Variants in INPP5A observed in about 807,000 individuals in gnomAD.
The protein encoded by INPP5A is inositol polyphosphate-5-phosphatase A.
In INPP5A, 14 loss-of-function variants were observed where a neutral mutation model predicts 65.2. That is an observed-to-expected ratio of 0.21 (90% CI 0.14 to 0.34). The LOEUF (loss-of-function observed/expected upper bound fraction) is 0.34, where lower values mean the gene tolerates loss of function less well. Ranked by LOEUF, INPP5A falls within the 10% of genes least tolerant of loss-of-function variation. The probability of loss-of-function intolerance (pLI) is 1.00; values close to 1 mark genes in which losing one functional copy is unlikely to be tolerated. For synonymous variants in INPP5A, 207 were observed against 208.3 expected (o/e 0.99, Z 0.05); for missense variants, 431 against 545.6 (o/e 0.79, Z 2.09).
chr10:132,737,665 TGAGGGCCTGCA>T (rs559087719), intron 9 of INPP5A, among the ~76,000 whole-genome samples: 5 of 152,110 alleles, frequency 3.3e-5, no homozygotes, highest in Non-Finnish European at 7.4e-5. Context: ...GTCAGGGCGG[TGAGGGCCTGCA>T]GAGGGCACGT....
chr10:132,606,329 G>A (rs964479885), intron 1 of INPP5A, among the ~76,000 whole-genome samples: 2 of 152,102 alleles, frequency 1.3e-5, no homozygotes, highest in African/African-American at 2.4e-5. Context: ...CCCTCCTGCC[G>A]GGTCCTCAGT....
chr10:132,755,307 A>T (rs1846577494), intron 11 of INPP5A, among the ~76,000 whole-genome samples: 1 of 146,324 alleles, frequency 6.8e-6, no homozygotes, highest in South Asian at 2.2e-4. Context: ...GTGTATGCAT[A>T]TGCATTTGAG....
Position 132,674,743 on chromosome 10 carries a change from C to G in INPP5A, c.307-15649C>G, listed in dbSNP as rs2072941033. On this transcript the variant is annotated intron_variant, in intron 4 of 15. Transcript: ENST00000368594. The surrounding 1 kb of genome is among the most constrained non-coding windows in gnomAD (Gnocchi z 4.4). ...CAGAAAGCACCCAGTTCATGACATG[C>G]AGTTCAGGTCACACGGTGACTTGAT... Among the ~76,000 whole-genome samples the G allele has an allele frequency of 6.6e-6, 1 of 152,174 alleles. No homozygotes were observed. The highest frequency in any genetic ancestry group is 1.5e-5 in the Non-Finnish European group (1 of 68,038).
chr10:132,641,174 T>A (rs1195919165), intron 2 of INPP5A, among the ~76,000 whole-genome samples: 2 of 152,266 alleles, frequency 1.3e-5, no homozygotes, highest in Non-Finnish European at 2.9e-5. Context: ...GTGTCCCCTG[T>A]GCTTTTCCAG....
chr10:132,589,942 A>G (rs2071596666), intron 1 of INPP5A, among the ~76,000 whole-genome samples: 1 of 152,242 alleles, frequency 6.6e-6, no homozygotes, highest in Non-Finnish European at 1.5e-5. Flanking sequence ...AGGCTGGAGC[A>G]GGGCGTGGTG....
At position 132,644,030 on chromosome 10, in the gene INPP5A, CCAGACCACCGGAAACACT is replaced by C. The variant is rs1180876690; in HGVS notation, c.118-1826_118-1809del. Among the ~76,000 whole-genome samples, 1 of 152,098 alleles carries C rather than the reference CCAGACCACCGGAAACACT, an allele frequency of 6.6e-6. No homozygotes were observed. The highest frequency in any genetic ancestry group is 1.5e-5 in the Non-Finnish European group (1 of 68,020). Reference sequence around the variant, plus strand: ...GAGTTGTGCATCAAGACAGCTGGAACCAGACCACCGGAAACACTCAGACCACCGGCACCAAGGGTTGTC... The same window carrying C: ...GAGTTGTGCATCAAGACAGCTGGAACCAGACCACCGGCACCAAGGGTTGTC... On this transcript the variant is annotated intron_variant, in intron 2 of 15. Transcript: ENST00000368594. The surrounding 1 kb of genome is among the most constrained non-coding windows in gnomAD (Gnocchi z 6.5).
intron 1 of INPP5A, among the ~76,000 whole-genome samples, chr10:132,552,974 T>C (rs1590823574): frequency 6.7e-5 from 6 of 90,028 alleles, no homozygotes; most frequent in Non-Finnish European, 8.6e-5. Flanking sequence ...GGAGGGAGGA[T>C]TGGTGAACGC....
intron 1 of INPP5A, among the ~76,000 whole-genome samples, chr10:132,589,383 T>G (rs1019645847): frequency 2.0e-5 from 3 of 152,248 alleles, no homozygotes; most frequent in Non-Finnish European, 2.9e-5. Context: ...CAGAAGGTCC[T>G]GGATGGTGGG....
intron 9 of INPP5A, among the ~76,000 whole-genome samples, chr10:132,734,334 C>T (rs368928936): frequency 3.7e-4 from 56 of 152,328 alleles, no homozygotes; most frequent in African/African-American, 1.3e-3. Context: ...ACGAGGAATC[C>T]CTGTGGTCCA....
rs2072366291 is a variant in INPP5A at position 132,637,212 on chromosome 10, C to T, written c.118-8656C>T. Reference sequence around the variant, plus strand: ...TGGTGGGATTACAGGCGTGAGCCACCTGTTGTTTAATTGATCTTTTTTACC... The same window carrying T: ...TGGTGGGATTACAGGCGTGAGCCACTTGTTGTTTAATTGATCTTTTTTACC... On this transcript the variant is annotated intron_variant, in intron 2 of 15. Coordinates refer to ENST00000368594, the MANE Select transcript of INPP5A (RefSeq NM_005539.5). The surrounding 1 kb of genome is among the most constrained non-coding windows in gnomAD (Gnocchi z 4.1). 6.6e-6 allele frequency among the ~76,000 whole-genome samples: 1 copy of T among 152,218 alleles called. No homozygotes were observed. Among genetic ancestry groups the T allele is most frequent in the South Asian group, 2.1e-4 (1 of 4,832 alleles).
At chr10:132,619,032 A>T (rs1339799406) in intron 2 of INPP5A, among the ~76,000 whole-genome samples, 1 of 152,170 alleles carries the variant, frequency 6.6e-6, no homozygotes, top group African/African-American at 2.4e-5. Context: ...CCCAGATCTC[A>T]TGTTCTTCTC....
chr10:132,548,529 G>T (rs1434425267), intron 1 of INPP5A, among the ~76,000 whole-genome samples: 2 of 152,210 alleles, frequency 1.3e-5, no homozygotes, highest in Non-Finnish European at 2.9e-5. Context: ...CCCAATGTGA[G>T]TGTATGGTTC....
chr10:132,594,374 C>T (rs542833553), intron 1 of INPP5A, among the ~76,000 whole-genome samples: 7 of 152,214 alleles, frequency 4.6e-5, no homozygotes, highest in South Asian at 2.1e-4. Context: ...CACTGCGGAA[C>T]GTACTGAGAC....
chr10:132,610,642 C>T (rs988591750), intron 2 of INPP5A, among the ~76,000 whole-genome samples: 6 of 152,228 alleles, frequency 3.9e-5, no homozygotes, highest in Admixed American at 6.5e-5. Flanking sequence ...TGCTGGCCAG[C>T]GTGGGGACCA....
intron 4 of INPP5A, among the ~76,000 whole-genome samples, chr10:132,653,134 G>T (rs929295536): frequency 1.3e-5 from 2 of 152,262 alleles, no homozygotes; most frequent in Admixed American, 6.5e-5. Context: ...GTCTGTCCGA[G>T]CCTGGCTGGG....
At position 132,730,638 on chromosome 10, in the gene INPP5A, G is replaced by A. The variant is rs60922149; in HGVS notation, c.732+3733G>A. ...AAGTCAGGAAGGGAAAGAAAACTGCGGTCTTCCTGGAACCTCCTCTGCATG... is the reference window on the plus strand; with the variant it reads ...AAGTCAGGAAGGGAAAGAAAACTGCAGTCTTCCTGGAACCTCCTCTGCATG... On this transcript the variant is annotated intron_variant, in intron 9 of 15. Transcript: ENST00000368594. Among the ~76,000 whole-genome samples, 69 of 152,302 alleles carry A rather than the reference G, an allele frequency of 4.5e-4. No homozygotes were observed. In the South Asian group the frequency reaches 6.0e-3, roughly 13 times the overall value.
chr10:132,780,299 G>A (rs1300939698), intron 13 of INPP5A, among the ~76,000 whole-genome samples: 3 of 152,244 alleles, frequency 2.0e-5, no homozygotes, highest in Admixed American at 1.3e-4. Flanking sequence ...GCACACAGCC[G>A]TGAATTACTG....
chr10:132,745,581 G>A (rs982642505), intron 9 of INPP5A, among the ~76,000 whole-genome samples: 2 of 152,058 alleles, frequency 1.3e-5, no homozygotes, highest in African/African-American at 2.4e-5. Context: ...GCCCCAGCCC[G>A]GGCCTCGGGT....
chr10:132,718,220 C>G (rs1564980564), intron 8 of INPP5A, among the ~76,000 whole-genome samples: 2 of 142,718 alleles, frequency 1.4e-5, no homozygotes, highest in African/African-American at 5.3e-5. Flanking sequence ...TCTGTGGTAC[C>G]TGGGTTCTGT....
Sources: gnomAD v4.1 joint callset for allele counts (sites outside exome capture counted in the v4.1 genomes callset) on GRCh38, gnomAD v4.1.1 for gene constraint, Gnocchi (gnomAD v3.1) non-coding constraint, MANE v1.5 for transcripts, NCBI Gene and HGNC (gene_info 2026-07-23, HGNC 2026-07-21) for gene names.